The following MAGI2 variants were observed in gnomAD, a reference collection of about 807,000 sequenced individuals.
The protein encoded by MAGI2 is membrane associated guanylate kinase, WW and PDZ domain containing 2, also known as membrane-associated guanylate kinase, WW and PDZ domain-containing protein 2.
A neutral mutation model predicts 133.3 loss-of-function variants in MAGI2; 35 were observed. That is an observed-to-expected ratio of 0.26 (90% CI 0.20 to 0.35). MAGI2 has a LOEUF of 0.35. MAGI2 is among the 10% of genes least tolerant of loss of function. The pLI, the probability that MAGI2 is intolerant of heterozygous loss-of-function variation, is 1.00. For synonymous variants in MAGI2, 729 were observed against 710.6 expected, an observed-to-expected ratio of 1.03 and a Z score of -0.41; for missense variants, 1,636 against 1,863.4, an observed-to-expected ratio of 0.88 and a Z score of 2.25.
chr7:79,185,805 A>C (rs1324300920), intron 1 of MAGI2, among the ~76,000 whole-genome samples: 2 of 151,776 alleles, frequency 1.3e-5, no homozygotes, highest in African/African-American at 4.8e-5. Flanking sequence ...AATCCTGCTG[A>C]TGGATGTCTT....
At chr7:79,172,245 T>A (rs1479881317) in intron 1 of MAGI2, among the ~76,000 whole-genome samples, 2 of 152,042 alleles carry the variant, frequency 1.3e-5, no homozygotes, top group Non-Finnish European at 2.9e-5. Context: ...CTTAAAACTA[T>A]AAGATGAGAA....
At chr7:78,512,087 C>T (rs145307630) in intron 4 of MAGI2, among the ~76,000 whole-genome samples, 24,213 of 150,498 alleles carry the variant, frequency 0.16, 2,246 homozygotes, top group South Asian at 0.33. Context: ...CGTGCCACTG[C>T]ACTCCAGCCT....
At chr7:78,895,168 T>C (rs1417669622) in intron 2 of MAGI2, among the ~76,000 whole-genome samples, 6 of 152,010 alleles carry the variant, frequency 3.9e-5, no homozygotes, top group African/African-American at 1.2e-4. Context: ...ATTATGAGAG[T>C]TGGACTGTTA....
At chr7:78,969,881 C>T (rs542648721) in intron 2 of MAGI2, among the ~76,000 whole-genome samples, 1 of 151,978 alleles carries the variant, frequency 6.6e-6, no homozygotes, top group East Asian at 1.9e-4. Flanking sequence ...ACGTATGAAT[C>T]CTCAAAGCAA....
intron 1 of MAGI2, among the ~76,000 whole-genome samples, chr7:79,286,320 G>C (rs1835995641): frequency 6.6e-6 from 1 of 151,960 alleles, no homozygotes; most frequent in East Asian, 1.9e-4. Context: ...TCACTGAGTT[G>C]GATAGTATCC....
chr7:78,254,668 G>GGAAAAAC (rs1237256604), intron 10 of MAGI2: 3 of 152,186 alleles, frequency 2.0e-5, no homozygotes, highest in Admixed American at 2.0e-4. Context: ...CTTCCTTGAA[G>GGAAAAAC]GAAAAACACC....
intron 1 of MAGI2, among the ~76,000 whole-genome samples, chr7:79,072,738 A>G (rs914161804): frequency 6.6e-6 from 1 of 152,258 alleles, no homozygotes; most frequent in Non-Finnish European, 1.5e-5. Flanking sequence ...GGCAGAAGTA[A>G]GATGAAATAT....
At chr7:78,215,069 T>G (rs1205713542) in intron 10 of MAGI2, among the ~76,000 whole-genome samples, 1 of 152,166 alleles carries the variant, frequency 6.6e-6, no homozygotes, top group Non-Finnish European at 1.5e-5. Context: ...GGATCACGGA[T>G]GTCATTTTAG....
intron 1 of MAGI2, among the ~76,000 whole-genome samples, chr7:79,177,506 T>G (rs1312329652): frequency 6.6e-6 from 1 of 152,198 alleles, no homozygotes; most frequent in East Asian, 1.9e-4. Flanking sequence ...TAATTATTGT[T>G]GTTTCTAGTT....
chr7:78,884,679 G>A (rs546708901), intron 2 of MAGI2, among the ~76,000 whole-genome samples: 1 of 152,188 alleles, frequency 6.6e-6, no homozygotes, highest in Non-Finnish European at 1.5e-5. Context: ...AATAGATGCT[G>A]GCAAGGCCAT....
At chr7:78,797,500 A>G (rs1044664745) in intron 2 of MAGI2, among the ~76,000 whole-genome samples, 1 of 152,018 alleles carries the variant, frequency 6.6e-6, no homozygotes, top group African/African-American at 2.4e-5. Flanking sequence ...TTATTTCTGC[A>G]ACATCCAGTG....
At chr7:79,071,269 T>C (rs4285422) in intron 1 of MAGI2, among the ~76,000 whole-genome samples, 126,627 of 152,204 alleles carry the variant, frequency 0.83, 53,172 homozygotes, top group Non-Finnish European at 0.86. Flanking sequence ...TGGGTATCAC[T>C]GGTGGAGGCT....
intron 3 of MAGI2, among the ~76,000 whole-genome samples, chr7:78,612,091 T>C (rs561185848): frequency 6.6e-6 from 1 of 152,342 alleles, no homozygotes; most frequent in East Asian, 1.9e-4. Flanking sequence ...TTTCTACCTC[T>C]ACTATTGTTT....
intron 1 of MAGI2, among the ~76,000 whole-genome samples, chr7:79,227,891 A>G (rs1421699796): frequency 6.6e-6 from 1 of 152,180 alleles, no homozygotes; most frequent in Admixed American, 6.5e-5. Context: ...TTAACATTCT[A>G]GGTCTTGTGA....
intron 2 of MAGI2, among the ~76,000 whole-genome samples, chr7:78,759,632 A>G (rs1824285884): frequency 6.6e-6 from 1 of 152,210 alleles, no homozygotes; most frequent in Admixed American, 6.5e-5. Flanking sequence ...GTATTAAAGA[A>G]TGATGCTAAT....
intron 10 of MAGI2, among the ~76,000 whole-genome samples, chr7:78,227,850 T>TTTGTGTGTG (rs10630131): frequency 0.028 from 4,044 of 145,616 alleles, 75 homozygotes; most frequent in Non-Finnish European, 0.038. Flanking sequence ...TCTTACTCAG[T>TTTGTGTGTG]TGTGTGTGTG....
At chr7:79,403,441 T>G (rs1405033816) in intron 1 of MAGI2, among the ~76,000 whole-genome samples, 1 of 152,098 alleles carries the variant, frequency 6.6e-6, no homozygotes, top group Non-Finnish European at 1.5e-5. Flanking sequence ...TTGCTTTTTT[T>G]TTAAAAAAGA....
chr7:78,644,290 T>C (rs1185347274), intron 2 of MAGI2, among the ~76,000 whole-genome samples: 1 of 152,090 alleles, frequency 6.6e-6, no homozygotes, highest in Non-Finnish European at 1.5e-5. Flanking sequence ...TTAGTAAAGT[T>C]ATAGACCTGA....
intron 1 of MAGI2, among the ~76,000 whole-genome samples, chr7:79,396,983 A>G (rs1845106203): frequency 6.6e-6 from 1 of 151,910 alleles, no homozygotes; most frequent in Non-Finnish European, 1.5e-5. Flanking sequence ...TAGGATGTAA[A>G]TTAAAATTCT....
Sources: gnomAD v4.1 joint callset for allele counts (sites outside exome capture counted in the v4.1 genomes callset) on GRCh38, gnomAD v4.1.1 for gene constraint, MANE v1.5 for transcripts, NCBI Gene and HGNC (gene_info 2026-07-23, HGNC 2026-07-21) for gene names.